The following KANK1 variants were observed in gnomAD, a reference collection of about 807,000 sequenced individuals.
The protein encoded by KANK1 is KN motif and ankyrin repeat domain-containing protein 1.
Under a neutral mutation model 106.2 loss-of-function variants are expected in KANK1, and 109 were observed. The observed-to-expected ratio is 1.03, with a 90% CI of 0.88 to 1.20. The LOEUF is 1.20. Ranked by LOEUF, KANK1 falls within the 50% of genes most tolerant of loss-of-function variation. The pLI is 0.00. For missense variants in KANK1, 2,399 were observed against 1,710.7 expected (o/e 1.40, Z -7.10); for synonymous variants, 873 against 652.2 (o/e 1.34, Z -5.16).
intron 3 of KANK1, among the ~76,000 whole-genome samples, chr9:488,559 C>T (rs1254419680): frequency 2.0e-5 from 3 of 152,160 alleles, no homozygotes; most frequent in South Asian, 4.1e-4. Flanking sequence ...ATCTCAATTA[C>T]CTCAACTGCA....
At chr9:727,585 G>A (rs971360293) in intron 3 of KANK1, among the ~76,000 whole-genome samples, 1 of 151,936 alleles carries the variant, frequency 6.6e-6, no homozygotes, top group Non-Finnish European at 1.5e-5. Context: ...CAAAGTGCTG[G>A]AATTACAGGC....
At chr9:639,820 C>T (rs1837981458) in intron 1 of KANK1, among the ~76,000 whole-genome samples, 1 of 152,196 alleles carries the variant, frequency 6.6e-6, no homozygotes. Flanking sequence ...GATTCAGTAT[C>T]TGGTGAGGGC....
intron 3 of KANK1, among the ~76,000 whole-genome samples, chr9:716,258 AGGGTTGTAATG>A (rs1827666094): frequency 1.3e-5 from 2 of 152,346 alleles, no homozygotes; most frequent in South Asian, 2.1e-4. Flanking sequence ...GTTCCTTCAC[AGGGTTGTAATG>A]AAGATTCAGT....
chr9:710,429 C>G (rs1049786708), intron 2 of KANK1, among the ~76,000 whole-genome samples: 2 of 151,880 alleles, frequency 1.3e-5, no homozygotes, highest in Non-Finnish European at 2.9e-5. Context: ...ACCAGCCTGG[C>G]CAACATGGTG....
rs1221232894 is a variant in KANK1, at chr9:711,369, T to G, written c.603T>G (p.Gly201=). Reference sequence around the variant, plus strand: ...CAAGCTCCCTCCCTTCTTTTGTGGGTTCTGGAAACCACAATCCTGCCAAGC... The same window carrying G: ...CAAGCTCCCTCCCTTCTTTTGTGGGGTCTGGAAACCACAATCCTGCCAAGC... The part of the protein sequence containing the change: ...GTTSSLPSFV[G]SGNHNPAKHQ... The change falls in exon 3 of 12, where the codon GGT becomes GGG. Residue 201 remains glycine (G), a synonymous_variant. Coordinates refer to ENST00000382297, the MANE Select transcript of KANK1 (RefSeq NM_015158.5). The G allele has an allele frequency of 2.5e-6, 4 of 1,613,972 alleles. No individual in the cohort carries two copies. In the African/African-American group the frequency reaches 4.0e-5, roughly 16 times the overall value.
chr9:470,297 G>A (rs1011455688), exon 1 of KANK1: 2 of 152,034 alleles, frequency 1.3e-5, no homozygotes, highest in African/African-American at 4.8e-5. Context: ...ATGCGCCCGA[G>A]GGTGTTTCGG....
In KANK1 at chr9:608,733, C is replaced by T. The variant is rs1427848573; in HGVS notation, c.-83-68157C>T. On this transcript the variant is annotated intron_variant, in intron 1 of 11. Coordinates refer to ENST00000382297, the MANE Select transcript of KANK1 (RefSeq NM_015158.5). ...TTGTCAGTTATTAGGGTGTGGCTGACGAACCACACCTGAAGAGCTACCTAG... is the reference window on the plus strand; with the variant it reads ...TTGTCAGTTATTAGGGTGTGGCTGATGAACCACACCTGAAGAGCTACCTAG... Among the ~76,000 whole-genome samples the T allele has an allele frequency of 2.6e-5, 4 of 152,250 alleles. No homozygotes were observed. The South Asian group carries it at 6.2e-4, about 24-fold the overall frequency.
At chr9:693,842 G>C in intron 2 of KANK1, 1 of 981,444 alleles carries the variant, frequency 1.0e-6, no homozygotes, top group East Asian at 1.1e-4. Flanking sequence ...GTTTGGGTGG[G>C]GGTTGGTGAA....
At chr9:508,903 T>G (rs966991660) in intron 1 of KANK1, among the ~76,000 whole-genome samples, 1 of 152,220 alleles carries the variant, frequency 6.6e-6, no homozygotes, top group Admixed American at 6.5e-5. Flanking sequence ...ATGTGTACAT[T>G]TGTACAAATT....
chr9:648,139 G>T (rs1317002092), intron 1 of KANK1, among the ~76,000 whole-genome samples: 1 of 148,614 alleles, frequency 6.7e-6, no homozygotes, highest in Non-Finnish European at 1.5e-5. Flanking sequence ...GAGTAGCTGG[G>T]ACCACAGGCA....
chr9:734,123 A>AC (rs1564112006), intron 6 of KANK1: 4 of 151,340 alleles, frequency 2.6e-5, no homozygotes, highest in African/African-American at 9.8e-5. Context: ...AAAAAAAAAA[A>AC]AAAAAAAAAA....
intron 8 of KANK1, among the ~76,000 whole-genome samples, chr9:740,350 A>G (rs1835086638): frequency 6.6e-6 from 1 of 152,144 alleles, no homozygotes; most frequent in Admixed American, 6.6e-5. Context: ...TAATGTTTGG[A>G]TAAGTAGGTA....
At chr9:743,353 T>G (rs10758864) in intron 10 of KANK1, among the ~76,000 whole-genome samples, 3 of 152,114 alleles carry the variant, frequency 2.0e-5, no homozygotes, top group Non-Finnish European at 4.4e-5. Flanking sequence ...CAGGAGCACA[T>G]GGAAGCTGCA....
intron 1 of KANK1, among the ~76,000 whole-genome samples, chr9:535,373 G>A (rs751132533): frequency 6.6e-6 from 1 of 152,136 alleles, no homozygotes; most frequent in African/African-American, 2.4e-5. Context: ...TTTCCTGTGG[G>A]AGAAAGGAAG....
intron 1 of KANK1, among the ~76,000 whole-genome samples, chr9:615,143 C>T (rs894858426): frequency 6.6e-6 from 1 of 152,104 alleles, no homozygotes; most frequent in Non-Finnish European, 1.5e-5. Context: ...CTGTGTTGCC[C>T]AGACTGGTCC....
chr9:628,816 C>T (rs771992454), intron 1 of KANK1, among the ~76,000 whole-genome samples: 1 of 152,066 alleles, frequency 6.6e-6, no homozygotes, highest in Admixed American at 6.6e-5. Context: ...TGGTGGCTCA[C>T]TCCTGTAATC....
intron 1 of KANK1, among the ~76,000 whole-genome samples, chr9:543,310 C>T (rs983761230): frequency 6.6e-6 from 1 of 151,992 alleles, no homozygotes; most frequent in African/African-American, 2.4e-5. Flanking sequence ...AATCTCAGCA[C>T]TTTGGGAGGC....
At chr9:484,742 C>T (rs1330302689) in intron 3 of KANK1, among the ~76,000 whole-genome samples, 1 of 152,158 alleles carries the variant, frequency 6.6e-6, no homozygotes, top group Admixed American at 6.5e-5. Context: ...GGAGAGGGAA[C>T]ACGGTACACC....
At chr9:513,431 T>G (rs943089619) in intron 1 of KANK1, among the ~76,000 whole-genome samples, 2 of 146,240 alleles carry the variant, frequency 1.4e-5, no homozygotes, top group Non-Finnish European at 2.9e-5. Flanking sequence ...GGGTTTTTTC[T>G]TTTTTTGGAT....
Sources: gnomAD v4.1 joint callset for allele counts (sites outside exome capture counted in the v4.1 genomes callset) on GRCh38, gnomAD v4.1.1 for gene constraint, MANE v1.5 for transcripts, NCBI Gene and HGNC (gene_info 2026-07-23, HGNC 2026-07-21) for gene names.